SPAG16: variants seen among roughly 807,000 people sequenced by gnomAD.
SPAG16 encodes sperm-associated antigen 16 protein.
SPAG16 carries 86 observed loss-of-function variants against 80.4 expected under a neutral mutation model. The observed-to-expected ratio is 1.07, with a 90% CI of 0.90 to 1.28. The LOEUF (loss-of-function observed/expected upper bound fraction) is 1.28. SPAG16 is among the 50% of genes most tolerant of loss of function. The pLI, the probability that SPAG16 is intolerant of heterozygous loss-of-function variation, is 0.00. For missense variants in SPAG16, 870 were observed against 765.3 expected (o/e 1.14, Z -1.61); for synonymous variants, 294 against 265.9 (o/e 1.11, Z -1.03).
chr2:214,024,790 G>GT (rs768824234), intron 13 of SPAG16, among the ~76,000 whole-genome samples: 1 of 151,570 alleles, frequency 6.6e-6, no homozygotes, highest in African/African-American at 2.4e-5. Flanking sequence ...GAAAAACTAT[G>GT]TTTTTTTGAC....
chr2:213,978,289 A>G (rs963802232), intron 12 of SPAG16, among the ~76,000 whole-genome samples: 6 of 152,116 alleles, frequency 3.9e-5, no homozygotes, highest in African/African-American at 1.2e-4. Flanking sequence ...TACATTTTCC[A>G]TCTTCCACAT....
intron 10 of SPAG16, among the ~76,000 whole-genome samples, chr2:213,651,844 TGA>T (rs2063035312): frequency 6.6e-6 from 1 of 152,220 alleles, no homozygotes; most frequent in Admixed American, 6.5e-5. Flanking sequence ...TGACTTTCAT[TGA>T]GATCTATTTC....
At chr2:214,333,604 T>C (rs1467492964) in intron 15 of SPAG16, among the ~76,000 whole-genome samples, 1 of 152,284 alleles carries the variant, frequency 6.6e-6, no homozygotes, top group African/African-American at 2.4e-5. Context: ...TCTCAACACT[T>C]TGATGAATGG....
intron 13 of SPAG16, among the ~76,000 whole-genome samples, chr2:214,021,643 A>G (rs976168925): frequency 1.3e-5 from 2 of 152,152 alleles, no homozygotes; most frequent in Non-Finnish European, 2.9e-5. Context: ...TTAACCTAAA[A>G]TTAACCAACT....
intron 9 of SPAG16, among the ~76,000 whole-genome samples, chr2:213,403,422 T>G (rs991884178): frequency 6.6e-6 from 1 of 152,234 alleles, no homozygotes; most frequent in African/African-American, 2.4e-5. Context: ...GCAGAAAATG[T>G]TATCCAGCAT....
intron 9 of SPAG16, among the ~76,000 whole-genome samples, chr2:213,459,547 T>C (rs1249613973): frequency 6.6e-6 from 1 of 152,224 alleles, no homozygotes; most frequent in African/African-American, 2.4e-5. Context: ...TCCTTGTATG[T>C]AGCCCTCAGA....
chr2:213,873,418 T>C (rs1031219964), intron 11 of SPAG16, among the ~76,000 whole-genome samples: 2 of 151,908 alleles, frequency 1.3e-5, no homozygotes, highest in Non-Finnish European at 2.9e-5. Context: ...TCAGTAGAGC[T>C]AAAGTCAATT....
intron 10 of SPAG16, among the ~76,000 whole-genome samples, chr2:213,546,270 T>C (rs1256485385): frequency 6.6e-6 from 1 of 152,174 alleles, no homozygotes; most frequent in Non-Finnish European, 1.5e-5. Flanking sequence ...CATTTCTCCA[T>C]CTGTTTCCTG....
intron 11 of SPAG16, among the ~76,000 whole-genome samples, chr2:213,904,600 C>CAAAAAAAAAAAAAAAAAAAAAAAAAAAA (rs34952255): frequency 2.2e-5 from 2 of 89,478 alleles, no homozygotes. Context: ...ATAAATTTTG[C>CAAAAAAAAAAAAAAAAAAAAAAAAAAAA]AAAAAAAAAA....
At chr2:213,483,783 A>G (rs1417499576) in intron 9 of SPAG16, among the ~76,000 whole-genome samples, 1 of 152,228 alleles carries the variant, frequency 6.6e-6, no homozygotes, top group Non-Finnish European at 1.5e-5. Context: ...CATAGTAAAA[A>G]TAGGCACTTA....
At chr2:213,732,337 C>T (rs1461168414) in intron 10 of SPAG16, among the ~76,000 whole-genome samples, 4 of 71,166 alleles carry the variant, frequency 5.6e-5, no homozygotes, top group East Asian at 1.8e-3. Flanking sequence ...ATTGCCCCCC[C>T]CGCAAAAAAA....
intron 15 of SPAG16, among the ~76,000 whole-genome samples, chr2:214,323,795 T>G (rs958422853): frequency 3.9e-5 from 6 of 152,236 alleles, no homozygotes; most frequent in Non-Finnish European, 8.8e-5. Flanking sequence ...ACACCATTAA[T>G]TATAAAATGC....
intron 10 of SPAG16, among the ~76,000 whole-genome samples, chr2:213,828,731 A>G (rs1398985022): frequency 6.6e-6 from 1 of 152,226 alleles, no homozygotes; most frequent in Non-Finnish European, 1.5e-5. Flanking sequence ...CACTAGAGCC[A>G]TATCTGCATT....
At chr2:214,070,143 C>T (rs559934729) in intron 13 of SPAG16, among the ~76,000 whole-genome samples, 1 of 150,172 alleles carries the variant, frequency 6.7e-6, no homozygotes, top group Non-Finnish European at 1.5e-5. Context: ...GAGTTTTTTC[C>T]TTGCAACAAG....
At chr2:213,718,749 C>A (rs1401490892) in intron 10 of SPAG16, among the ~76,000 whole-genome samples, 4 of 152,188 alleles carry the variant, frequency 2.6e-5, no homozygotes, top group African/African-American at 7.2e-5. Context: ...TCGGGACCTG[C>A]AGCCCGCCAT....
chr2:213,807,662 A>G lies in SPAG16; in HGVS notation c.1071-54823A>G, dbSNP rs370567312. ...AATTGTACAGGAGAATGGCCACACTATCATCAGTTTCATCCAGAAGCAAGA... is the reference window on the plus strand; with the variant it reads ...AATTGTACAGGAGAATGGCCACACTGTCATCAGTTTCATCCAGAAGCAAGA... On this transcript the variant is annotated intron_variant, in intron 10 of 15. Transcript: ENST00000331683. Among the ~76,000 whole-genome samples, 15 of 152,298 alleles carry G rather than the reference A, an allele frequency of 9.8e-5. 1 individual carries two copies. Among genetic ancestry groups the G allele is most frequent in the East Asian group, 9.6e-4 (5 of 5,186 alleles).
chr2:214,157,036 C>T (rs966293067), intron 15 of SPAG16, among the ~76,000 whole-genome samples: 1 of 152,072 alleles, frequency 6.6e-6, no homozygotes, highest in African/African-American at 2.4e-5. Context: ...TTGAGTGACC[C>T]TATTGTATAT....
At chr2:213,895,013 A>C (rs75622889) in intron 11 of SPAG16, among the ~76,000 whole-genome samples, 29,058 of 136,934 alleles carry the variant, frequency 0.21, 3,940 homozygotes, top group South Asian at 0.33. Context: ...AAAAAAAAAA[A>C]AAAAAACTGA....
chr2:213,870,767 T>C (rs1376349384), intron 11 of SPAG16, among the ~76,000 whole-genome samples: 2 of 152,202 alleles, frequency 1.3e-5, no homozygotes, highest in Non-Finnish European at 2.9e-5. Context: ...TGGTTTGCTG[T>C]AAAACTAGTA....
Sources: gnomAD v4.1 joint callset for allele counts (sites outside exome capture counted in the v4.1 genomes callset) on GRCh38, gnomAD v4.1.1 for gene constraint, MANE v1.5 for transcripts, NCBI Gene and HGNC (gene_info 2026-07-23, HGNC 2026-07-21) for gene names.